NTRK2: variants seen among roughly 807,000 people sequenced by gnomAD.
The protein encoded by NTRK2 is neurotrophic receptor tyrosine kinase 2.
In NTRK2, 13 loss-of-function variants were observed where a neutral mutation model predicts 94.5. The observed-to-expected ratio is 0.14, with a 90% CI of 0.09 to 0.22. The LOEUF (loss-of-function observed/expected upper bound fraction) is 0.22, where lower values mean the gene tolerates loss of function less well. Among genes scored for constraint, NTRK2 ranks in the 10% least tolerant of loss-of-function variants. The pLI is 1.00. For synonymous variants in NTRK2, 372 were observed against 407.4 expected (o/e 0.91, Z 1.05); for missense variants, 639 against 1,071.2 (o/e 0.60, Z 5.63).
chr9:84,919,624 T>C (rs1650355956), intron 14 of NTRK2, among the ~76,000 whole-genome samples: 1 of 152,140 alleles, frequency 6.6e-6, no homozygotes, highest in Non-Finnish European at 1.5e-5. Context: ...CATGTGAGAG[T>C]ACTTTATGAG....
intron 2 of NTRK2, among the ~76,000 whole-genome samples, chr9:84,672,814 A>C (rs2058781925): frequency 6.6e-6 from 1 of 152,244 alleles, no homozygotes; most frequent in South Asian, 2.1e-4. Context: ...AATTGATTTC[A>C]GCAGAGCTTT....
chr9:84,695,774 T>A (rs1253923547), intron 2 of NTRK2, among the ~76,000 whole-genome samples: 2 of 152,240 alleles, frequency 1.3e-5, no homozygotes, highest in African/African-American at 4.8e-5. Context: ...ATATTTCCAA[T>A]AATTTTTGTA....
intron 10 of NTRK2, among the ~76,000 whole-genome samples, chr9:84,743,719 T>C (rs1343188578): frequency 3.9e-5 from 6 of 152,214 alleles, no homozygotes; most frequent in Non-Finnish European, 8.8e-5. Flanking sequence ...TTGGCCAAAA[T>C]GTCATGATAC....
chr9:84,812,281 T>C (rs1398024651), intron 12 of NTRK2: 5 of 1,056,572 alleles, frequency 4.7e-6, no homozygotes, highest in African/African-American at 1.7e-5. Context: ...AAATACGTTA[T>C]TGCTTGATGA....
At chr9:84,732,152 C>G (rs937409096) in intron 9 of NTRK2, among the ~76,000 whole-genome samples, 2 of 152,164 alleles carry the variant, frequency 1.3e-5, no homozygotes, top group African/African-American at 4.8e-5. Context: ...TGTTTCTCTT[C>G]CAGCACACTG....
Position 84,905,349 on chromosome 9 carries a change from A to T in NTRK2, c.1634-28813A>T, listed in dbSNP as rs972724656. Among the ~76,000 whole-genome samples the T allele has an allele frequency of 2.0e-5, 3 of 152,024 alleles. No individual in the cohort carries two copies. The South Asian group carries it at 6.2e-4, about 32-fold the overall frequency. ...ATGTGCAAGGAAATGATGTGGACACAGAAGCAGGGTTTTTAAAGTGCTAGG... is the reference window on the plus strand; with the variant it reads ...ATGTGCAAGGAAATGATGTGGACACTGAAGCAGGGTTTTTAAAGTGCTAGG... On this transcript the variant is annotated intron_variant, in intron 14 of 18. Coordinates refer to ENST00000277120, the MANE Select transcript of NTRK2 (RefSeq NM_006180.6).
intron 12 of NTRK2, among the ~76,000 whole-genome samples, chr9:84,792,771 C>T (rs997028128): frequency 2.6e-5 from 4 of 152,108 alleles, no homozygotes; most frequent in African/African-American, 9.7e-5. Flanking sequence ...TCTGGCCTTA[C>T]ACAAGATTAA....
At chr9:84,702,510 C>T in intron 4 of NTRK2, 91 bp downstream of exon 4, 1 of 1,107,076 alleles carries the variant, frequency 9.0e-7, no homozygotes, top group Non-Finnish European at 1.4e-6. Flanking sequence ...CAACTTGAAA[C>T]CTCCCTTTTT....
intron 14 of NTRK2, chr9:84,875,565 C>T (rs201165744): frequency 2.0e-5 from 21 of 1,062,646 alleles, no homozygotes; most frequent in African/African-American, 1.3e-4. Flanking sequence ...TTCAAAGAGC[C>T]GAGTATGCTG....
rs201048618 is a variant in NTRK2 at position 84,775,487 on chromosome 9, G to C, written c.1396+23402G>C. 2.0e-5 allele frequency among the ~76,000 whole-genome samples: 3 copies of C among 152,290 alleles called. No individual in the cohort carries two copies. The East Asian group carries it at 5.8e-4, about 29-fold the overall frequency. On this transcript the variant is annotated intron_variant, in intron 12 of 18. Coordinates refer to ENST00000277120, the MANE Select transcript of NTRK2 (RefSeq NM_006180.6). ...TTGTAATTTGCCTGGTTTATTGCTT[G>C]CTACAGTCCACAGACTCTTGGCGTA... is the stretch of plus-strand genomic sequence containing the variant.
At chr9:84,724,110 C>A (rs937501038) in intron 7 of NTRK2, 114 bp from the exon 8 acceptor site, 1 of 1,120,802 alleles carries the variant, frequency 8.9e-7, no homozygotes, top group Admixed American at 1.8e-5. Flanking sequence ...GGCAGAGAAG[C>A]TTTTCTAATG....
At chr9:84,861,494 T>C (rs2075337253) in intron 13 of NTRK2, among the ~76,000 whole-genome samples, 1 of 152,248 alleles carries the variant, frequency 6.6e-6, no homozygotes, top group Non-Finnish European at 1.5e-5. Flanking sequence ...AATAGAGTTC[T>C]GAATTGGTAA....
chr9:84,926,913 T>A (rs1212142777), intron 14 of NTRK2, among the ~76,000 whole-genome samples: 1 of 152,246 alleles, frequency 6.6e-6, no homozygotes, highest in Non-Finnish European at 1.5e-5. Context: ...TGGGTGAAGA[T>A]AGCTTTTGTG....
At chr9:84,733,481 C>A (rs2063032938) in intron 9 of NTRK2, among the ~76,000 whole-genome samples, 1 of 152,182 alleles carries the variant, frequency 6.6e-6, no homozygotes, top group African/African-American at 2.4e-5. Flanking sequence ...CTGGGCTACC[C>A]CTTGCAGCGA....
chr9:84,681,622 GC>G (rs1395142563), intron 2 of NTRK2, among the ~76,000 whole-genome samples: 1 of 152,050 alleles, frequency 6.6e-6, no homozygotes, highest in East Asian at 1.9e-4. Flanking sequence ...TATAATTCAT[GC>G]CATCATCATC....
At chr9:84,788,984 T>G (rs932154395) in intron 12 of NTRK2, among the ~76,000 whole-genome samples, 1 of 152,182 alleles carries the variant, frequency 6.6e-6, no homozygotes, top group African/African-American at 2.4e-5. Flanking sequence ...CTTCCGCTTG[T>G]TAGCTGGGAA....
In NTRK2 at chr9:84,969,089, G is replaced by A. The variant is rs570882966; in HGVS notation, c.2172+13572G>A. Among the ~76,000 whole-genome samples, 3 of 152,300 alleles carry A rather than the reference G, an allele frequency of 2.0e-5. No homozygotes were observed. In the East Asian group the frequency reaches 5.8e-4, roughly 29 times the overall value. On this transcript the variant is annotated intron_variant, in intron 17 of 18. Coordinates refer to ENST00000277120, the MANE Select transcript of NTRK2 (RefSeq NM_006180.6). ...CATGCATTGTTGGTCCACCCTCCCA[G>A]GCTAGAATGGTGTTTATGAGGTCTT... is the stretch of plus-strand genomic sequence containing the variant.
chr9:84,831,778 A>G (rs1338895580), intron 12 of NTRK2, among the ~76,000 whole-genome samples: 1 of 152,260 alleles, frequency 6.6e-6, no homozygotes, highest in Non-Finnish European at 1.5e-5. Flanking sequence ...TGGATAATCA[A>G]CAGAAGGGGT....
chr9:84,835,658 T>C (rs116125627), intron 12 of NTRK2, among the ~76,000 whole-genome samples: 1,992 of 152,312 alleles, frequency 0.013, 59 homozygotes, highest in African/African-American at 0.045. Flanking sequence ...AATCAGGCAG[T>C]TGTCTCTCAA....
Sources: allele counts gnomAD v4.1 joint callset (sites outside exome capture counted in the v4.1 genomes callset), GRCh38; gene constraint gnomAD v4.1.1; transcripts MANE v1.5; gene names NCBI Gene and HGNC (gene_info 2026-07-23, HGNC 2026-07-21).